The following ZNF507 variants were observed in gnomAD, a reference collection of about 807,000 sequenced individuals.
ZNF507 encodes the protein zinc finger protein 507.
ZNF507 carries 29 observed loss-of-function variants against 80.0 expected under a neutral mutation model. That is an observed-to-expected ratio of 0.36 (90% CI 0.27 to 0.49). ZNF507 has a LOEUF of 0.49. Among genes scored for constraint, ZNF507 ranks in the 20% least tolerant of loss-of-function variants. The probability of loss-of-function intolerance (pLI) is 0.98; values close to 1 mark genes in which losing one functional copy is unlikely to be tolerated. For synonymous variants in ZNF507, 462 were observed against 422.5 expected (o/e 1.09, Z -1.15); for missense variants, 1,081 against 1,152.2 (o/e 0.94, Z 0.90).
intron 2 of ZNF507, among the ~76,000 whole-genome samples, chr19:32,350,485 C>G (rs970957261): frequency 6.6e-6 from 1 of 152,140 alleles, no homozygotes; most frequent in Non-Finnish European, 1.5e-5. Flanking sequence ...TTGTCAGATT[C>G]TTTTGTATTA....
chr19:32,352,717 G>T, intron 2 of ZNF507, 112 bp from the exon 3 acceptor site: 1 of 950,898 alleles, frequency 1.1e-6, no homozygotes, highest in Non-Finnish European at 1.5e-6. Context: ...TTCCAGCTTA[G>T]AAAATACTTA....
chr19:32,359,359 T>C (rs1967291563), intron 4 of ZNF507: 1 of 152,202 alleles, frequency 6.6e-6, no homozygotes, highest in Non-Finnish European at 1.5e-5. Flanking sequence ...AGTGTGGGTT[T>C]TCCTTTGTAT....
Position 32,354,243 on chromosome 19 carries a change from C to T in ZNF507, c.1413C>T (p.Gly471=). 1.2e-6 allele frequency: 2 copies of T among 1,614,102 alleles called. No individual in the cohort carries two copies. The highest frequency in any genetic ancestry group is 1.7e-6 in the Non-Finnish European group (2 of 1,180,032). ...SEKKDELMNK[G]LATDENAPPG... The stretch of plus-strand genomic sequence containing the variant: ...AAAAAGACGAGTTAATGAATAAAGG[C>T]CTGGCTACTGATGAGAATGCCCCAC... The change falls in exon 3 of 7, where the codon GGC becomes GGT. Residue 471 remains glycine, a synonymous_variant. Transcript: ENST00000355898.
intron 2 of ZNF507, 86 bp from the exon 3 acceptor site, chr19:32,352,743 A>G (rs539960920): frequency 9.9e-5 from 119 of 1,202,680 alleles, no homozygotes; most frequent in Admixed American, 2.5e-4. Flanking sequence ...GATTACAGAC[A>G]CTAACATTCT....
chr19:32,359,115 G>A (rs1279017135), intron 4 of ZNF507: 4 of 151,872 alleles, frequency 2.6e-5, no homozygotes, highest in Non-Finnish European at 5.9e-5. Context: ...ATTTTTTAGG[G>A]TTTTTTTAAA....
At chr19:32,376,125 T>C (rs923718168) in intron 5 of ZNF507, among the ~76,000 whole-genome samples, 1 of 152,330 alleles carries the variant, frequency 6.6e-6, no homozygotes, top group Middle Eastern at 3.4e-3. Flanking sequence ...TACTTTATTG[T>C]AGAAAGTTTA....
chr19:32,352,973 T>C lies in ZNF507; in HGVS notation c.143T>C (p.Ile48Thr), dbSNP rs757455419. ...AAACCAGATCCATTAATCCATGTTA[T>C]CCAGAAGTTAAGCAAGATAGTGGAA... ...KTKPDPLIHV[I>T]QKLSKIVENE... is the part of the protein sequence containing the mutation. Residue 48 changes from isoleucine to threonine, a missense_variant, in exon 3 of 7, where the codon ATC (isoleucine) becomes ACC (threonine). Ile to Thr is a moderately conservative substitution (Grantham distance 89, BLOSUM62 -1). Coordinates refer to ENST00000355898, the MANE Select transcript of ZNF507 (RefSeq NM_001136156.2). The C allele has an allele frequency of 1.3e-5, 21 of 1,614,028 alleles. No individual in the cohort carries two copies. The Admixed American group carries it at 1.8e-4, about 14-fold the overall frequency.
intron 5 of ZNF507, among the ~76,000 whole-genome samples, chr19:32,366,802 A>G (rs1967405388): frequency 6.6e-6 from 1 of 152,242 alleles, no homozygotes; most frequent in African/African-American, 2.4e-5. Context: ...ACAGTTTTCC[A>G]AAATGGTTGT....
chr19:32,367,364 T>C (rs1032757367), intron 5 of ZNF507, among the ~76,000 whole-genome samples: 3 of 152,218 alleles, frequency 2.0e-5, no homozygotes, highest in African/African-American at 7.2e-5. Context: ...AGGACAAATA[T>C]CCAAACTGTA....
chr19:32,348,732 A>G (rs571286934), intron 2 of ZNF507, among the ~76,000 whole-genome samples: 2 of 152,318 alleles, frequency 1.3e-5, no homozygotes, highest in South Asian at 4.1e-4. Flanking sequence ...TTATGTCTAA[A>G]CATTACAAAC....
At chr19:32,356,345 C>T (rs183352545) in intron 3 of ZNF507, among the ~76,000 whole-genome samples, 98 of 152,296 alleles carry the variant, frequency 6.4e-4, no homozygotes, top group South Asian at 1.2e-3. Context: ...TCAGTAAATA[C>T]GGACACGCCC....
chr19:32,376,912 AGAGG>A (rs976866516), intron 5 of ZNF507, among the ~76,000 whole-genome samples: 1 of 152,122 alleles, frequency 6.6e-6, no homozygotes, highest in African/African-American at 2.4e-5. Context: ...GCAGAGAGAG[AGAGG>A]GAGAGAGAGA....
rs147387601 is a variant in ZNF507 at position 32,360,634 on chromosome 19, C to A, written c.2360+16C>A. 1,052 of 1,382,480 alleles carry A rather than the reference C, an allele frequency of 7.6e-4. 10 individuals carry two copies. In the African/African-American group the frequency reaches 0.014, roughly 18 times the overall value. The allele number at this position is 1,382,480 out of a possible 1,614,324, so 85.6% of individuals were successfully genotyped here. A position where few individuals can be genotyped will look rare whatever the true frequency, so the allele number is the denominator to read the frequency against. On this transcript the variant is annotated intron_variant, in intron 5 of 6. Coordinates refer to ENST00000355898, the MANE Select transcript of ZNF507 (RefSeq NM_001136156.2). ...AGCCGTACAGGTAAGTGTTATGATT[C>A]TAGAATTTTAATGTTTGTATTAAAA...
At chr19:32,356,981 C>T (rs1415766975) in intron 4 of ZNF507, 3 of 369,704 alleles carry the variant, frequency 8.1e-6, no homozygotes, top group African/African-American at 6.2e-5. Context: ...ACTTAAGAGC[C>T]CCTTAGAAGG....
chr19:32,346,523 C>G (rs4804990), intron 1 of ZNF507, among the ~76,000 whole-genome samples: 61,729 of 152,030 alleles, frequency 0.41, 13,453 homozygotes, highest in African/African-American at 0.56. Context: ...CCAGTACTCC[C>G]CTCTCACTCA....
intron 5 of ZNF507, among the ~76,000 whole-genome samples, chr19:32,377,275 C>CAAA (rs1702427865): frequency 6.6e-6 from 1 of 152,172 alleles, no homozygotes; most frequent in Non-Finnish European, 1.5e-5. Context: ...GGCATCTTCC[C>CAAA]AGATGCTGGC....
chr19:32,386,224 C>T lies in ZNF507; in HGVS notation c.*3141C>T, dbSNP rs141138321. The T allele has an allele frequency of 1.3e-5, 2 of 152,690 alleles. No homozygotes were observed. Among genetic ancestry groups the T allele is most frequent in the African/African-American group, 4.8e-5 (2 of 41,534 alleles). 9.5% of individuals were successfully genotyped at this position (152,690 alleles called of 1,614,324 possible). ...GGATCTTTCTTCCTATTGAAGGTGG[C>T]TGCTGGTGGCTTCATAATTTTCTGT... On this transcript the variant is annotated 3_prime_UTR_variant, in exon 7 of 7. Coordinates refer to ENST00000355898, the MANE Select transcript of ZNF507 (RefSeq NM_001136156.2).
rs2145349026 is a variant in ZNF507, at chr19:32,384,253, T to TA, written c.*1171dup. ...TTCCTATCTGGAAATTCTATTTTGT[T>TA]AGAGTGCGATAGGACATATGGAAAA... is the stretch of plus-strand genomic sequence containing the variant. On this transcript the variant is annotated 3_prime_UTR_variant, in exon 7 of 7. Transcript: ENST00000355898. The TA allele has an allele frequency of 6.6e-6, 1 of 152,358 alleles. No individual in the cohort carries two copies. The highest frequency in any genetic ancestry group is 2.1e-4 in the South Asian group (1 of 4,830). The allele number at this position is 152,358 out of a possible 1,614,324, so 9.4% of individuals were successfully genotyped here.
Position 32,346,170 on chromosome 19 carries a change from T to C in ZNF507, c.-97+387T>C, listed in dbSNP as rs190304939. Among the ~76,000 whole-genome samples, 5 of 152,236 alleles carry C rather than the reference T, an allele frequency of 3.3e-5. No homozygotes were observed. In the East Asian group the frequency reaches 9.7e-4, roughly 29 times the overall value. On this transcript the variant is annotated intron_variant, in intron 1 of 6. Coordinates refer to ENST00000355898, the MANE Select transcript of ZNF507 (RefSeq NM_001136156.2). ...TGATTAATTTTCTAAGCTCCCTCAT[T>C]CCCGACCCATCACCTCAGTCCTTTA...
Sources: allele counts gnomAD v4.1 joint callset (sites outside exome capture counted in the v4.1 genomes callset), GRCh38; gene constraint gnomAD v4.1.1; transcripts MANE v1.5; gene names NCBI Gene and HGNC (gene_info 2026-07-23, HGNC 2026-07-21).